EXOC6: variants seen among roughly 807,000 people sequenced by gnomAD.
EXOC6 encodes SEC15-like 1.
In EXOC6, 60 loss-of-function variants were observed where a neutral mutation model predicts 112.5. The observed-to-expected ratio is 0.53, with a 90% CI of 0.43 to 0.66. The LOEUF (loss-of-function observed/expected upper bound fraction) is 0.66, where lower values mean the gene tolerates loss of function less well. Among genes scored for constraint, EXOC6 ranks in the 30% least tolerant of loss-of-function variants. The pLI, the probability that EXOC6 is intolerant of heterozygous loss-of-function variation, is 0.00. For missense variants in EXOC6, 855 were observed against 957.1 expected (o/e 0.89, Z 1.41); for synonymous variants, 295 against 308.0 (o/e 0.96, Z 0.44).
intron 17 of EXOC6, among the ~76,000 whole-genome samples, chr10:92,969,755 G>A (rs1413540298): frequency 2.6e-5 from 4 of 151,830 alleles, no homozygotes; most frequent in Non-Finnish European, 5.9e-5. Flanking sequence ...GTGCAGTGGC[G>A]CGATCTCAGC....
At chr10:93,031,638 G>A (rs1218035707) in intron 20 of EXOC6, among the ~76,000 whole-genome samples, 6 of 149,500 alleles carry the variant, frequency 4.0e-5, no homozygotes, top group African/African-American at 1.5e-4. Flanking sequence ...TCAGCCTCCC[G>A]AGCAGCTGGG....
chr10:92,946,997 G>C (rs932223451), intron 13 of EXOC6, among the ~76,000 whole-genome samples: 11 of 152,090 alleles, frequency 7.2e-5, no homozygotes, highest in African/African-American at 2.7e-4. Flanking sequence ...TCTCCTATTA[G>C]ATTTCTTGTG....
chr10:92,943,060 C>G (rs906580556), intron 13 of EXOC6, among the ~76,000 whole-genome samples: 2 of 149,558 alleles, frequency 1.3e-5, no homozygotes, highest in Non-Finnish European at 3.0e-5. Flanking sequence ...CTTGCACTGT[C>G]ACCTGTGCTG....
intron 17 of EXOC6, among the ~76,000 whole-genome samples, chr10:92,966,284 T>TAATA (rs1564869597): frequency 1.4e-5 from 2 of 142,644 alleles, no homozygotes; most frequent in East Asian, 2.0e-4. Flanking sequence ...TAATTATAAT[T>TAATA]ATTATTATTA....
intron 19 of EXOC6, among the ~76,000 whole-genome samples, chr10:93,007,369 G>A (rs911049244): frequency 2.0e-5 from 3 of 151,850 alleles, no homozygotes; most frequent in East Asian, 1.9e-4. Context: ...ATAGATTGCC[G>A]GCTGGGCGCA....
chr10:92,979,381 T>G (rs192576475), intron 18 of EXOC6, among the ~76,000 whole-genome samples: 1 of 152,220 alleles, frequency 6.6e-6, no homozygotes. Flanking sequence ...TGATGACCAT[T>G]GCCTAGTGAA....
intron 18 of EXOC6, among the ~76,000 whole-genome samples, chr10:92,984,794 A>T (rs928251343): frequency 1.3e-5 from 2 of 151,924 alleles, no homozygotes; most frequent in African/African-American, 4.8e-5. Flanking sequence ...TTAAAATTTG[A>T]ATTCTTCAGC....
At chr10:92,911,552 C>T (rs1344680251) in intron 6 of EXOC6, among the ~76,000 whole-genome samples, 3 of 152,082 alleles carry the variant, frequency 2.0e-5, no homozygotes, top group Admixed American at 6.5e-5. Flanking sequence ...GGATTCTTTC[C>T]ACTTAGGGAG....
intron 20 of EXOC6, among the ~76,000 whole-genome samples, chr10:93,028,744 G>T (rs1564922589): frequency 6.8e-6 from 1 of 147,972 alleles, no homozygotes; most frequent in African/African-American, 2.5e-5. Flanking sequence ...TGAGGCAGGA[G>T]AATCGCTTGA....
chr10:92,894,018 G>A (rs1224021540), intron 2 of EXOC6, among the ~76,000 whole-genome samples: 1 of 152,120 alleles, frequency 6.6e-6, no homozygotes, highest in African/African-American at 2.4e-5. Context: ...AAGAGACCTA[G>A]ATTTGTTCAG....
chr10:92,834,905 A>T lies in EXOC6; in HGVS notation c.86+81A>T, dbSNP rs532921470. On this transcript the variant is annotated intron_variant, in intron 1 of 21. Transcript: ENST00000371552. ...TACCCTGCTTTTTATAATTCTTTAT[A>T]AGAGTAAAAAATATTCTTGCAAAAC... The T allele has an allele frequency of 7.5e-5, 57 of 761,184 alleles. No individual in the cohort carries two copies. The African/African-American group carries it at 8.6e-4, about 11-fold the overall frequency. The allele number at this position is 761,184 out of a possible 1,614,324, so 47.2% of individuals were successfully genotyped here.
chr10:92,843,394 A>G (rs557725920), intron 1 of EXOC6, among the ~76,000 whole-genome samples: 1 of 152,382 alleles, frequency 6.6e-6, no homozygotes, highest in African/African-American at 2.4e-5. Flanking sequence ...ATGTATAAAG[A>G]CTGCCTGTAC....
At chr10:92,921,340 G>A (rs1851432375) in intron 8 of EXOC6, among the ~76,000 whole-genome samples, 1 of 151,008 alleles carries the variant, frequency 6.6e-6, no homozygotes, top group Non-Finnish European at 1.5e-5. Context: ...CGCCTCCTGG[G>A]TTCAAGTGAT....
At chr10:93,042,928 ATTATTATTATT>A (rs1845847045) in intron 20 of EXOC6, among the ~76,000 whole-genome samples, 7 of 97,752 alleles carry the variant, frequency 7.2e-5, no homozygotes, top group East Asian at 2.1e-4. Flanking sequence ...ATATTTTACT[ATTATTATTATT>A]ATTATTATTA....
rs199547769 is a variant in EXOC6 at position 92,955,388 on chromosome 10, G to GTATA, written c.1639-177_1639-174dup. Among the ~76,000 whole-genome samples the GTATA allele has an allele frequency of 3.6e-3, 538 of 147,666 alleles. 8 individuals are homozygous for GTATA. Among genetic ancestry groups the GTATA allele is most frequent in the African/African-American group, 0.012 (488 of 40,118 alleles). On this transcript the variant is annotated intron_variant, in intron 16 of 21. Transcript: ENST00000260762. Reference sequence around the variant, plus strand: ...ACTCTTGGTGTGTGTGTGTGTGTGTGTATATATATATATATATAAATTCAT... The same window carrying GTATA: ...ACTCTTGGTGTGTGTGTGTGTGTGTGTATATATATATATATATATATAAATTCAT...
At chr10:93,013,435 A>G (rs1278474464) in intron 19 of EXOC6, among the ~76,000 whole-genome samples, 1 of 151,966 alleles carries the variant, frequency 6.6e-6, no homozygotes, top group African/African-American at 2.4e-5. Flanking sequence ...GTGAAACTCC[A>G]TCTCTACTAA....
intron 7 of EXOC6, chr10:92,916,149 T>A: frequency 3.1e-6 from 1 of 325,354 alleles, no homozygotes. Context: ...ACAATAAATT[T>A]TTTGAAACCA....
intron 6 of EXOC6, among the ~76,000 whole-genome samples, chr10:92,913,093 A>G (rs1012421683): frequency 1.3e-5 from 2 of 152,200 alleles, no homozygotes; most frequent in East Asian, 3.8e-4. Context: ...GCAGTTTTGT[A>G]TTTACAATAA....
intron 18 of EXOC6, among the ~76,000 whole-genome samples, chr10:92,977,292 C>G (rs1239318755): frequency 1.3e-5 from 2 of 152,028 alleles, no homozygotes; most frequent in African/African-American, 4.8e-5. Flanking sequence ...TAATTTTCCT[C>G]ATCCTTTACT....
Sources: gnomAD v4.1 joint callset for allele counts (sites outside exome capture counted in the v4.1 genomes callset) on GRCh38, gnomAD v4.1.1 for gene constraint, MANE v1.5 for transcripts, NCBI Gene and HGNC (gene_info 2026-07-23, HGNC 2026-07-21) for gene names.